Variants in SMURF1 observed in about 807,000 individuals in gnomAD.
SMURF1 encodes E3 ubiquitin-protein ligase SMURF1.
A neutral mutation model predicts 98.0 loss-of-function variants in SMURF1; 44 were observed. The observed-to-expected ratio is 0.45, with a 90% CI of 0.35 to 0.58. The LOEUF is 0.58. SMURF1 is among the 20% of genes least tolerant of loss of function. The probability of loss-of-function intolerance (pLI) is 0.00; values close to 1 mark genes in which losing one functional copy is unlikely to be tolerated. For missense variants in SMURF1, 687 were observed against 938.4 expected (o/e 0.73, Z 3.50); for synonymous variants, 396 against 374.9 (o/e 1.06, Z -0.65).
chr7:99,138,945 G>C (rs893259119), intron 1 of SMURF1, among the ~76,000 whole-genome samples: 10 of 152,144 alleles, frequency 6.6e-5, no homozygotes, highest in Non-Finnish European at 1.3e-4. Flanking sequence ...TCCTAAACTT[G>C]AGGCAGACCC....
intron 8 of SMURF1, 145 bp from the exon 9 acceptor site, chr7:99,049,854 C>G (rs1341372579): frequency 4.2e-6 from 3 of 706,728 alleles, no homozygotes; most frequent in East Asian, 2.7e-5. Flanking sequence ...GTGCTACTTA[C>G]GCCAAACCTC....
At chr7:99,092,822 C>T (rs1247770977) in intron 1 of SMURF1, among the ~76,000 whole-genome samples, 1 of 152,180 alleles carries the variant, frequency 6.6e-6, no homozygotes, top group African/African-American at 2.4e-5. Context: ...AACAAGGTTA[C>T]ATATTAATCA....
In SMURF1 at chr7:99,068,575, C is replaced by T. The variant is rs1796250044; in HGVS notation, c.56-6738G>A. On this transcript the variant is annotated intron_variant, in intron 1 of 17. Coordinates refer to ENST00000361368, the MANE Select transcript of SMURF1 (RefSeq NM_181349.3). ...TCAGCCTCCCCAAGTGCTGAGATTA[C>T]AGGACTAAGCCACTGTGCCTGGCCC... Among the ~76,000 whole-genome samples, 6 of 152,174 alleles carry T rather than the reference C, an allele frequency of 3.9e-5. No individual in the cohort carries two copies. The South Asian group carries it at 1.2e-3, about 32-fold the overall frequency.
At chr7:99,060,750 C>G (rs747727684) in intron 2 of SMURF1, 43 bp from the exon 3 acceptor site, 3 of 1,305,756 alleles carry the variant, frequency 2.3e-6, no homozygotes, top group African/African-American at 2.9e-5. Context: ...GACCTCACAT[C>G]CATCCATGTG....
chr7:99,081,797 C>T (rs573906988), intron 1 of SMURF1, among the ~76,000 whole-genome samples: 2 of 152,242 alleles, frequency 1.3e-5, no homozygotes, highest in African/African-American at 2.4e-5. Flanking sequence ...GGATTACAGG[C>T]GCCTGCCACC....
intron 1 of SMURF1, among the ~76,000 whole-genome samples, chr7:99,067,708 T>C (rs942680504): frequency 6.6e-6 from 1 of 152,080 alleles, no homozygotes; most frequent in Non-Finnish European, 1.5e-5. Context: ...TCCCAGCACT[T>C]TGGGAGGCCG....
intron 1 of SMURF1, among the ~76,000 whole-genome samples, chr7:99,093,983 G>A (rs867220624): frequency 3.3e-5 from 5 of 152,126 alleles, no homozygotes; most frequent in Middle Eastern, 3.4e-3. Flanking sequence ...TGAAATTTAC[G>A]CACAAGATTA....
chr7:99,052,584 C>A (rs1436475076), intron 6 of SMURF1, 138 bp from the exon 7 acceptor site: 8 of 961,910 alleles, frequency 8.3e-6, no homozygotes, highest in Non-Finnish European at 8.3e-6. Flanking sequence ...GTTCCAAGGG[C>A]CTAGTTTTGT....
chr7:99,033,193 A>G, intron 16 of SMURF1, 72 bp from the exon 17 acceptor site: 3 of 1,467,568 alleles, frequency 2.0e-6, no homozygotes, highest in Non-Finnish European at 2.8e-6. Flanking sequence ...CACAGCCCCC[A>G]GGAGCAGGGC....
At chr7:99,143,448 G>A (rs1386158120) in intron 1 of SMURF1, among the ~76,000 whole-genome samples, 1 of 142,722 alleles carries the variant, frequency 7.0e-6, no homozygotes, top group Admixed American at 6.9e-5. Flanking sequence ...GAATGGAAAT[G>A]AGAGGGGCGG....
chr7:99,044,116 C>T (rs115438874), intron 11 of SMURF1, among the ~76,000 whole-genome samples: 2,044 of 152,240 alleles, frequency 0.013, 41 homozygotes, highest in African/African-American at 0.047. Context: ...GTTCAACACC[C>T]ACCTGGCCAC....
intron 5 of SMURF1, among the ~76,000 whole-genome samples, chr7:99,056,188 T>G (rs1026457818): frequency 2.6e-5 from 4 of 152,234 alleles, no homozygotes; most frequent in African/African-American, 9.6e-5. Context: ...TCAGGGTGTA[T>G]GTCTGCACTA....
At chr7:99,075,581 G>C (rs893639281) in intron 1 of SMURF1, among the ~76,000 whole-genome samples, 1 of 151,606 alleles carries the variant, frequency 6.6e-6, no homozygotes, top group African/African-American at 2.4e-5. Flanking sequence ...CGTTGGGATT[G>C]AATCGAACTG....
intron 12 of SMURF1, 139 bp downstream of exon 12, chr7:99,041,979 C>T: frequency 1.4e-6 from 1 of 692,446 alleles, no homozygotes; most frequent in South Asian, 1.6e-5. Flanking sequence ...TCAGTTTTCA[C>T]TTTACCTCTC....
chr7:99,093,835 G>A (rs1247597695), intron 1 of SMURF1, among the ~76,000 whole-genome samples: 1 of 151,974 alleles, frequency 6.6e-6, no homozygotes, highest in Admixed American at 6.5e-5. Context: ...TTGATCATAA[G>A]TAAATTTGCT....
chr7:99,078,505 C>A (rs989817778), intron 1 of SMURF1, among the ~76,000 whole-genome samples: 3 of 152,272 alleles, frequency 2.0e-5, no homozygotes, highest in Admixed American at 6.5e-5. Flanking sequence ...CCTCAACCCC[C>A]CCTCCCCTGC....
chr7:99,137,364 A>G (rs1205795048), intron 1 of SMURF1, among the ~76,000 whole-genome samples: 1 of 152,202 alleles, frequency 6.6e-6, no homozygotes, highest in Non-Finnish European at 1.5e-5. Flanking sequence ...TCATAATCCT[A>G]TGCACCCCCT....
At chr7:99,101,690 A>C (rs1361004014) in intron 1 of SMURF1, among the ~76,000 whole-genome samples, 2 of 152,234 alleles carry the variant, frequency 1.3e-5, no homozygotes, top group Non-Finnish European at 2.9e-5. Context: ...CTGTAATCCC[A>C]GCACTTCGGG....
chr7:99,098,021 A>C (rs1796993741), intron 1 of SMURF1, among the ~76,000 whole-genome samples: 1 of 152,218 alleles, frequency 6.6e-6, no homozygotes, highest in African/African-American at 2.4e-5. Flanking sequence ...GACAAAACCC[A>C]AGTTAGCCAC....
Sources: allele counts gnomAD v4.1 joint callset (sites outside exome capture counted in the v4.1 genomes callset), GRCh38; gene constraint gnomAD v4.1.1; transcripts MANE v1.5; gene names NCBI Gene and HGNC (gene_info 2026-07-23, HGNC 2026-07-21).